MARCHF3: variants seen among roughly 807,000 people sequenced by gnomAD.
MARCHF3 encodes the protein E3 ubiquitin-protein ligase MARCHF3.
MARCHF3 carries 13 observed loss-of-function variants against 24.2 expected under a neutral mutation model. That is an observed-to-expected ratio of 0.54 (90% CI 0.35 to 0.85). The LOEUF (loss-of-function observed/expected upper bound fraction) is 0.85, where lower values mean the gene tolerates loss of function less well. Among genes scored for constraint, MARCHF3 ranks in the 40% least tolerant of loss-of-function variants. The pLI is 0.01. For missense variants in MARCHF3, 276 were observed against 325.0 expected, an observed-to-expected ratio of 0.85 and a Z score of 1.16; for synonymous variants, 144 against 137.3, an observed-to-expected ratio of 1.05 and a Z score of -0.34.
chr5:126,910,104 G>A (rs993583206), intron 3 of MARCHF3, among the ~76,000 whole-genome samples: 8 of 152,128 alleles, frequency 5.3e-5, no homozygotes, highest in Middle Eastern at 6.3e-3. Context: ...AAATCACTGT[G>A]GCTCCCTGAT....
At chr5:126,920,170 CTTCTTT>C (rs1749056622) in intron 1 of MARCHF3, among the ~76,000 whole-genome samples, 1 of 152,066 alleles carries the variant, frequency 6.6e-6, no homozygotes, top group African/African-American at 2.4e-5. Flanking sequence ...GGGTAGATAT[CTTCTTT>C]TTATTTTTTT....
chr5:126,913,930 C>T (rs1467994235), intron 3 of MARCHF3, among the ~76,000 whole-genome samples: 1 of 150,936 alleles, frequency 6.6e-6, no homozygotes, highest in East Asian at 1.9e-4. Flanking sequence ...CTTCAGCTAG[C>T]TCTGGCTTAT....
intron 1 of MARCHF3, among the ~76,000 whole-genome samples, chr5:126,998,239 G>A (rs767397972): frequency 2.6e-5 from 4 of 152,184 alleles, no homozygotes; most frequent in Non-Finnish European, 5.9e-5. Flanking sequence ...TGTGGCAGTG[G>A]GTGAGCTGTA....
At chr5:126,896,056 G>C (rs1035753753) in intron 3 of MARCHF3, among the ~76,000 whole-genome samples, 2 of 152,154 alleles carry the variant, frequency 1.3e-5, no homozygotes, top group African/African-American at 4.8e-5. Flanking sequence ...TATTCCGGTG[G>C]GAGTGACCCG....
chr5:126,963,360 G>A (rs1249750607), intron 1 of MARCHF3, among the ~76,000 whole-genome samples: 1 of 151,772 alleles, frequency 6.6e-6, no homozygotes, highest in African/African-American at 2.4e-5. Context: ...TATTTTTGTA[G>A]GAAAAATTCA....
intron 1 of MARCHF3, among the ~76,000 whole-genome samples, chr5:126,950,647 C>T (rs1209207316): frequency 3.3e-5 from 5 of 152,202 alleles, no homozygotes; most frequent in South Asian, 4.1e-4. Context: ...TAAGGATTAA[C>T]TCTGGTAACT....
intron 1 of MARCHF3, among the ~76,000 whole-genome samples, chr5:126,961,010 G>A (rs1396853985): frequency 6.6e-6 from 1 of 152,064 alleles, no homozygotes; most frequent in Non-Finnish European, 1.5e-5. Context: ...CATTATTCAG[G>A]TAACTCCATG....
chr5:126,947,845 G>A (rs77360570), intron 1 of MARCHF3, among the ~76,000 whole-genome samples: 2,035 of 151,540 alleles, frequency 0.013, 52 homozygotes, highest in African/African-American at 0.047. Context: ...CACTGAAACT[G>A]CAACTATTAT....
chr5:126,894,040 A>T (rs57814060), intron 3 of MARCHF3, among the ~76,000 whole-genome samples: 1,491 of 136,466 alleles, frequency 0.011, 11 homozygotes, highest in African/African-American at 0.042. Context: ...TTTACCATTA[A>T]GTAATGGCCT....
At chr5:126,973,984 A>G (rs7726049) in intron 1 of MARCHF3, among the ~76,000 whole-genome samples, 147,866 of 149,330 alleles carry the variant, frequency 0.99, 73,213 homozygotes, top group East Asian at 1. Context: ...TGCAAGCTCC[A>G]CTTCCCGGGT....
chr5:126,878,215 T>C lies in MARCHF3; in HGVS notation c.573A>G (p.Ala191=), dbSNP rs1561774315. The C allele has an allele frequency of 9.9e-6, 16 of 1,613,976 alleles. No homozygotes were observed. Among genetic ancestry groups the C allele is most frequent in the Non-Finnish European group, 1.4e-5 (16 of 1,179,992 alleles). The change falls in exon 4 of 5, where the codon GCA becomes GCG. Residue 191 remains alanine, a synonymous_variant. Transcript: ENST00000308660. ...TCCAAAAGAGGTAAATAGTGAAGAG[T>C]GCGACAGTGAGTGCAATCAGTCCGA... ...EAVGLIALTV[A]LFTIYLFWTL...
At chr5:127,028,802 TC>T (rs2126868597) in intron 1 of MARCHF3, among the ~76,000 whole-genome samples, 1 of 152,278 alleles carries the variant, frequency 6.6e-6, no homozygotes, top group East Asian at 1.9e-4. Flanking sequence ...GACAAACACT[TC>T]CTTCTCCCTC....
intron 1 of MARCHF3, among the ~76,000 whole-genome samples, chr5:126,982,849 C>A (rs560446174): frequency 3.5e-4 from 53 of 152,276 alleles, no homozygotes; most frequent in African/African-American, 1.2e-3. Flanking sequence ...ATGCCTTGTT[C>A]TGAATTGTTT....
intron 1 of MARCHF3, among the ~76,000 whole-genome samples, chr5:127,014,321 C>A (rs1338611090): frequency 6.6e-6 from 1 of 152,022 alleles, no homozygotes; most frequent in Non-Finnish European, 1.5e-5. Flanking sequence ...GATACGATGG[C>A]TACTATCAAA....
intron 3 of MARCHF3, among the ~76,000 whole-genome samples, chr5:126,900,539 C>A (rs1324618884): frequency 6.6e-6 from 1 of 151,898 alleles, no homozygotes; most frequent in African/African-American, 2.4e-5. Context: ...ATGTCGGCAC[C>A]CTGACCTTGG....
intron 3 of MARCHF3, among the ~76,000 whole-genome samples, chr5:126,895,561 A>G (rs1481404709): frequency 3.3e-5 from 5 of 152,022 alleles, no homozygotes; most frequent in Non-Finnish European, 5.9e-5. Flanking sequence ...GTCTGTTGGA[A>G]TACCCTGCAG....
chr5:126,957,758 G>A (rs1750498054), intron 1 of MARCHF3, among the ~76,000 whole-genome samples: 1 of 151,974 alleles, frequency 6.6e-6, no homozygotes, highest in Admixed American at 6.6e-5. Context: ...ACATTACTGT[G>A]CTCAGATTTT....
At chr5:127,021,870 A>G (rs999010560) in intron 1 of MARCHF3, among the ~76,000 whole-genome samples, 7 of 152,238 alleles carry the variant, frequency 4.6e-5, no homozygotes, top group African/African-American at 1.4e-4. Context: ...CTTAGCCTCA[A>G]AAGACAAACA....
intron 1 of MARCHF3, among the ~76,000 whole-genome samples, chr5:127,013,271 T>G (rs1367125371): frequency 6.6e-6 from 1 of 152,164 alleles, no homozygotes; most frequent in Non-Finnish European, 1.5e-5. Flanking sequence ...TGTTATAACT[T>G]CATGCTGTTT....
Sources: gnomAD v4.1 joint callset for allele counts (sites outside exome capture counted in the v4.1 genomes callset) on GRCh38, gnomAD v4.1.1 for gene constraint, MANE v1.5 for transcripts, NCBI Gene and HGNC (gene_info 2026-07-23, HGNC 2026-07-21) for gene names.